Variants in CFAP299 observed in about 807,000 individuals in gnomAD.
CFAP299 encodes cilia and flagella associated protein 299.
A neutral mutation model predicts 27.0 loss-of-function variants in CFAP299; 21 were observed. The ratio of observed to expected loss-of-function variants is 0.78; its 90% CI spans 0.55 to 1.12. The LOEUF is 1.12. Among genes scored for constraint, CFAP299 ranks in the 50% most tolerant of loss-of-function variants. The pLI is 0.00. For synonymous variants in CFAP299, 104 were observed against 98.1 expected (o/e 1.06, Z -0.36); for missense variants, 310 against 276.6 (o/e 1.12, Z -0.86).
intron 2 of CFAP299, among the ~76,000 whole-genome samples, chr4:80,449,035 T>C (rs764779532): frequency 3.3e-5 from 5 of 152,188 alleles, no homozygotes; most frequent in Non-Finnish European, 7.4e-5. Flanking sequence ...ACAGGAGTTC[T>C]ACATCTTCTT....
chr4:80,814,007 GTATAT>G (rs1281707944), intron 3 of CFAP299, among the ~76,000 whole-genome samples: 6 of 151,854 alleles, frequency 4.0e-5, no homozygotes, highest in Admixed American at 3.9e-4. Context: ...AAGAGTTAAC[GTATAT>G]TATTCTACAT....
intron 4 of CFAP299, among the ~76,000 whole-genome samples, chr4:80,886,513 C>G (rs1009611416): frequency 7.9e-5 from 12 of 152,142 alleles, no homozygotes; most frequent in Non-Finnish European, 1.6e-4. Flanking sequence ...CCAAGACCAC[C>G]AACACAGTAC....
At chr4:80,425,211 T>C (rs1034645280) in intron 2 of CFAP299, among the ~76,000 whole-genome samples, 2 of 152,206 alleles carry the variant, frequency 1.3e-5, no homozygotes, top group Admixed American at 1.3e-4. Flanking sequence ...TTAGTATTTC[T>C]ATTTGTTAAT....
intron 2 of CFAP299, among the ~76,000 whole-genome samples, chr4:80,423,580 C>A (rs117125561): frequency 0.015 from 2,238 of 152,266 alleles, 118 homozygotes; most frequent in Admixed American, 0.1. Context: ...CTCTGACCCC[C>A]TATTCCATGC....
intron 2 of CFAP299, 133 bp from the exon 3 acceptor site, chr4:80,582,960 G>T: frequency 2.0e-6 from 1 of 492,180 alleles, no homozygotes; most frequent in South Asian, 4.4e-5. Flanking sequence ...GAATCTAGTA[G>T]ATCATGATTT....
chr4:80,388,499 C>T (rs965214009), intron 2 of CFAP299: 11 of 1,398,646 alleles, frequency 7.9e-6, no homozygotes, highest in Middle Eastern at 1.8e-4. Flanking sequence ...GCACTGTTCC[C>T]GCTTGTGGGT....
chr4:80,942,053 C>T (rs1199785151), intron 4 of CFAP299, among the ~76,000 whole-genome samples: 33 of 152,138 alleles, frequency 2.2e-4, no homozygotes, highest in Admixed American at 2.2e-3. Context: ...ATCCAGCTAG[C>T]TGGATGGGAA....
At chr4:80,893,473 A>G (rs1339891072) in intron 4 of CFAP299, among the ~76,000 whole-genome samples, 1 of 151,970 alleles carries the variant, frequency 6.6e-6, no homozygotes, top group Non-Finnish European at 1.5e-5. Flanking sequence ...ATTTCAAAAT[A>G]TAAAGCTTAG....
At chr4:80,717,103 C>G (rs887406288) in intron 3 of CFAP299, among the ~76,000 whole-genome samples, 1 of 152,052 alleles carries the variant, frequency 6.6e-6, no homozygotes, top group Non-Finnish European at 1.5e-5. Flanking sequence ...ATGAATACGA[C>G]AGATACGTTT....
At chr4:80,377,958 T>C (rs1023910609) in intron 2 of CFAP299, among the ~76,000 whole-genome samples, 1 of 152,134 alleles carries the variant, frequency 6.6e-6, no homozygotes, top group African/African-American at 2.4e-5. Flanking sequence ...TGGAAACCCC[T>C]GATAAACCCA....
chr4:80,433,548 A>G (rs1364357000), intron 2 of CFAP299, among the ~76,000 whole-genome samples: 2 of 152,194 alleles, frequency 1.3e-5, no homozygotes, highest in Non-Finnish European at 2.9e-5. Flanking sequence ...TAATGATTGT[A>G]AATAAATAGT....
intron 3 of CFAP299, among the ~76,000 whole-genome samples, chr4:80,606,646 T>C (rs1195068043): frequency 6.6e-6 from 1 of 152,168 alleles, no homozygotes; most frequent in African/African-American, 2.4e-5. Context: ...ATATTAGAAA[T>C]AATGGTATTA....
intron 4 of CFAP299, among the ~76,000 whole-genome samples, chr4:80,937,693 T>A (rs1475699831): frequency 6.6e-6 from 1 of 152,178 alleles, no homozygotes; most frequent in Non-Finnish European, 1.5e-5. Context: ...TTAGTCACTC[T>A]CTATTTTGAC....
At chr4:80,626,598 A>C (rs1349226174) in intron 3 of CFAP299, among the ~76,000 whole-genome samples, 1 of 151,756 alleles carries the variant, frequency 6.6e-6, no homozygotes, top group African/African-American at 2.4e-5. Flanking sequence ...TTGAAAAGAT[A>C]AACAAAATAA....
chr4:80,481,893 A>G (rs1322018426), intron 2 of CFAP299, among the ~76,000 whole-genome samples: 3 of 151,958 alleles, frequency 2.0e-5, no homozygotes, highest in Non-Finnish European at 4.4e-5. Flanking sequence ...TAAATTTAGG[A>G]CCTGGTACAT....
chr4:80,422,396 T>C (rs1313876738), intron 2 of CFAP299, among the ~76,000 whole-genome samples: 1 of 152,176 alleles, frequency 6.6e-6, no homozygotes, highest in African/African-American at 2.4e-5. Context: ...AATTCTTTAG[T>C]TTAGCCCTCC....
chr4:80,632,048 C>G (rs2109948336), intron 3 of CFAP299, among the ~76,000 whole-genome samples: 1 of 152,112 alleles, frequency 6.6e-6, no homozygotes. Context: ...GAAGAAGAGC[C>G]TCTCTAGAAC....
intron 3 of CFAP299, among the ~76,000 whole-genome samples, chr4:80,710,797 A>G (rs1202893211): frequency 6.6e-6 from 1 of 152,066 alleles, no homozygotes; most frequent in South Asian, 2.1e-4. Context: ...GACCGTACAC[A>G]TAATGATACA....
At chr4:80,504,960 C>A (rs903981548) in intron 2 of CFAP299, among the ~76,000 whole-genome samples, 1 of 147,828 alleles carries the variant, frequency 6.8e-6, no homozygotes, top group Non-Finnish European at 1.5e-5. Context: ...AGTATATGTT[C>A]ATCCCCCATT....
Sources: gnomAD v4.1 joint callset for allele counts (sites outside exome capture counted in the v4.1 genomes callset) on GRCh38, gnomAD v4.1.1 for gene constraint, MANE v1.5 for transcripts, NCBI Gene and HGNC (gene_info 2026-07-23, HGNC 2026-07-21) for gene names.